SPMIP4: variants seen among roughly 807,000 people sequenced by gnomAD.
SPMIP4 encodes the protein sperm-associated microtubule inner protein 4.
the SPMIP4 span, among the ~76,000 whole-genome samples, chr7:25,143,583 CTTTTTTTT>C: frequency 1.5e-4 from 17 of 110,692 alleles, no homozygotes; most frequent in Admixed American, 2.0e-4. Flanking sequence ...AGTAAAGACA[CTTTTTTTT>C]TTTTTTTTTT....
At chr7:25,163,799 C>T in the SPMIP4 span, among the ~76,000 whole-genome samples, 382 of 152,316 alleles carry the variant, frequency 2.5e-3, 2 homozygotes, top group Non-Finnish European at 3.9e-3. This position sits in a 1 kb window ranked among gnomAD's most constrained non-coding sequence, Gnocchi z 4.4. Context: ...TAAGATTAGA[C>T]ACTTCTTCAA....
chr7:25,171,004 C>G, the SPMIP4 span, among the ~76,000 whole-genome samples: 2,782 of 152,310 alleles, frequency 0.018, 50 homozygotes, highest in Admixed American at 0.026. Context: ...CAGGATCCAT[C>G]TCAAAACCTA....
chr7:25,135,837 C>T, the SPMIP4 span: 1 of 1,387,678 alleles, frequency 7.2e-7, no homozygotes, highest in Non-Finnish European at 9.3e-7. Flanking sequence ...AACTTAAATT[C>T]CTGAAAATGT....
the SPMIP4 span, chr7:25,142,266 C>G: frequency 1.2e-6 from 2 of 1,612,966 alleles, no homozygotes; most frequent in Admixed American, 1.7e-5. Flanking sequence ...TCCTATCTTT[C>G]GTGTTAACTC....
the SPMIP4 span, among the ~76,000 whole-genome samples, chr7:25,126,142 A>C: frequency 6.6e-5 from 10 of 152,220 alleles, no homozygotes; most frequent in East Asian, 5.8e-4. Context: ...CGGTCTATCC[A>C]TCACCTCAAG....
At chr7:25,157,502 G>A in the SPMIP4 span, among the ~76,000 whole-genome samples, 3 of 152,244 alleles carry the variant, frequency 2.0e-5, no homozygotes, top group Non-Finnish European at 2.9e-5. Flanking sequence ...TCATGCCAAC[G>A]GCATGTACCC....
the SPMIP4 span, among the ~76,000 whole-genome samples, chr7:25,157,266 C>T: frequency 1.3e-4 from 20 of 152,284 alleles, no homozygotes; most frequent in Middle Eastern, 6.8e-3. Context: ...GGAGTGGAAT[C>T]GATACATCTC....
the SPMIP4 span, among the ~76,000 whole-genome samples, chr7:25,175,194 C>T: frequency 6.4e-4 from 98 of 152,230 alleles, no homozygotes; most frequent in East Asian, 0.018. Context: ...TTTGAAGTAC[C>T]CTGTCTGTAG....
At chr7:25,178,326 T>C in the SPMIP4 span, among the ~76,000 whole-genome samples, 39 of 152,236 alleles carry the variant, frequency 2.6e-4, no homozygotes, top group African/African-American at 8.9e-4. Flanking sequence ...GAACAACTTA[T>C]AAGAACAACT....
At chr7:25,131,951 G>A in the SPMIP4 span, among the ~76,000 whole-genome samples, 4 of 152,146 alleles carry the variant, frequency 2.6e-5, no homozygotes, top group Non-Finnish European at 5.9e-5. The surrounding 1 kb of genome is among the most constrained non-coding windows in gnomAD (Gnocchi z 4.2). Flanking sequence ...GGTCTGCGAC[G>A]GCGGCAAACA....
chr7:25,179,430 C>A, the SPMIP4 span: 1 of 1,018,804 alleles, frequency 9.8e-7, no homozygotes, highest in Non-Finnish European at 1.4e-6. Flanking sequence ...GCTGCACAGA[C>A]GTCACAGGCT....
the SPMIP4 span, chr7:25,168,448 T>C: frequency 6.3e-7 from 1 of 1,590,432 alleles, no homozygotes; most frequent in South Asian, 1.2e-5. Context: ...TTGAAGTGAC[T>C]CCCTTAATTC....
the SPMIP4 span, among the ~76,000 whole-genome samples, chr7:25,129,473 G>A: frequency 6.6e-6 from 1 of 152,192 alleles, no homozygotes; most frequent in Non-Finnish European, 1.5e-5. Flanking sequence ...CAAGCACACT[G>A]ATTCTCTATG....
chr7:25,132,776 G>C, the SPMIP4 span, among the ~76,000 whole-genome samples: 1 of 152,150 alleles, frequency 6.6e-6, no homozygotes, highest in South Asian at 2.1e-4. The surrounding 1 kb of genome is among the most constrained non-coding windows in gnomAD (Gnocchi z 5.0). Flanking sequence ...AGATGTTAAA[G>C]AGTTGCTTGT....
the SPMIP4 span, among the ~76,000 whole-genome samples, chr7:25,138,901 A>C: frequency 6.6e-6 from 1 of 152,302 alleles, no homozygotes; most frequent in Non-Finnish European, 1.5e-5. The surrounding 1 kb of genome is among the most constrained non-coding windows in gnomAD (Gnocchi z 6.2). Flanking sequence ...GCTTCTTTTT[A>C]AGTTGTTTTA....
chr7:25,169,757 G>A, the SPMIP4 span, among the ~76,000 whole-genome samples: 1 of 152,016 alleles, frequency 6.6e-6, no homozygotes, highest in Non-Finnish European at 1.5e-5. Context: ...TGTATTTTCA[G>A]TAGAGACATG....
the SPMIP4 span, chr7:25,142,677 C>G: frequency 6.2e-7 from 1 of 1,613,082 alleles, no homozygotes; most frequent in South Asian, 1.1e-5. Context: ...GCCAGTGGGA[C>G]CTCTCAAGAT....
chr7:25,130,217 C>T, the SPMIP4 span, among the ~76,000 whole-genome samples: 1 of 151,088 alleles, frequency 6.6e-6, no homozygotes, highest in Non-Finnish European at 1.5e-5. Flanking sequence ...GCGCTCCAAC[C>T]TGGGCGACAG....
chr7:25,132,054 T>TA, the SPMIP4 span, among the ~76,000 whole-genome samples: 1 of 152,016 alleles, frequency 6.6e-6, no homozygotes, highest in African/African-American at 2.4e-5. This position sits in a 1 kb window ranked among gnomAD's most constrained non-coding sequence, Gnocchi z 5.0. Context: ...TAGAGTGAAA[T>TA]AGAGTGAAAA....
Sources: allele counts gnomAD v4.1 joint callset (sites outside exome capture counted in the v4.1 genomes callset), GRCh38; gene constraint gnomAD v4.1.1; non-coding constraint Gnocchi (gnomAD v3.1); transcripts MANE v1.5; gene names NCBI Gene and HGNC (gene_info 2026-07-23, HGNC 2026-07-21).